Variants in TOX observed in about 807,000 individuals in gnomAD.
TOX encodes thymocyte selection associated high mobility group box.
In TOX, 11 loss-of-function variants were observed where a neutral mutation model predicts 53.7. The ratio of observed to expected loss-of-function variants is 0.20; its 90% CI spans 0.13 to 0.34. TOX has a LOEUF of 0.34. Ranked by LOEUF, TOX falls within the 10% of genes least tolerant of loss-of-function variation. TOX has a pLI of 1.00. For missense variants in TOX, 570 were observed against 664.6 expected (o/e 0.86, Z 1.56); for synonymous variants, 225 against 245.3 (o/e 0.92, Z 0.77).
At chr8:58,987,973 G>T (rs1813364866) in intron 1 of TOX, among the ~76,000 whole-genome samples, 1 of 152,214 alleles carries the variant, frequency 6.6e-6, no homozygotes. Flanking sequence ...CTAGTTGAAA[G>T]TAATACAGGA....
At chr8:59,055,727 T>A (rs1803878215) in intron 1 of TOX, among the ~76,000 whole-genome samples, 1 of 152,182 alleles carries the variant, frequency 6.6e-6, no homozygotes, top group African/African-American at 2.4e-5. Context: ...GAAAACACTT[T>A]AATTTTAAAG....
At chr8:58,893,897 T>A (rs1811599287) in intron 3 of TOX, among the ~76,000 whole-genome samples, 2 of 152,198 alleles carry the variant, frequency 1.3e-5, no homozygotes, top group African/African-American at 4.8e-5. Context: ...AGTGAGCAGG[T>A]GAAAATGAGA....
chr8:58,878,210 A>C (rs1811318825), intron 3 of TOX, among the ~76,000 whole-genome samples: 1 of 152,088 alleles, frequency 6.6e-6, no homozygotes, highest in African/African-American at 2.4e-5. Context: ...ATTTGGAAAA[A>C]AAAAAAAAGA....
chr8:58,826,714 G>T (rs1033710349), intron 6 of TOX, 108 bp downstream of exon 6: 26 of 921,434 alleles, frequency 2.8e-5, no homozygotes, highest in Non-Finnish European at 3.9e-5. Flanking sequence ...TTCCAACAAA[G>T]AAGATTGTGC....
chr8:59,087,932 A>G (rs1473151950), intron 1 of TOX, among the ~76,000 whole-genome samples: 1 of 152,196 alleles, frequency 6.6e-6, no homozygotes, highest in Non-Finnish European at 1.5e-5. Context: ...ACTTTTATTT[A>G]TGTCATGTGT....
intron 1 of TOX, among the ~76,000 whole-genome samples, chr8:59,116,235 T>G (rs577745275): frequency 2.6e-5 from 4 of 152,330 alleles, no homozygotes; most frequent in African/African-American, 9.6e-5. Flanking sequence ...TATCACCCTA[T>G]TAAAAACAAA....
At chr8:59,034,830 C>A (rs1405671033) in intron 1 of TOX, among the ~76,000 whole-genome samples, 1 of 152,218 alleles carries the variant, frequency 6.6e-6, no homozygotes, top group African/African-American at 2.4e-5. Context: ...AAAGGCCTTG[C>A]AAAGAAGCTC....
At chr8:59,094,593 TAATA>T (rs1473997056) in intron 1 of TOX, among the ~76,000 whole-genome samples, 1 of 151,560 alleles carries the variant, frequency 6.6e-6, no homozygotes, top group Non-Finnish European at 1.5e-5. Flanking sequence ...AATTATTATA[TAATA>T]ATTATAAGTA....
At chr8:58,926,405 GCCACGTCAATTTAT>G (rs1367178894) in intron 3 of TOX, among the ~76,000 whole-genome samples, 1 of 152,178 alleles carries the variant, frequency 6.6e-6, no homozygotes, top group Admixed American at 6.5e-5. Context: ...TGTGATCCCA[GCCACGTCAATTTAT>G]CATTCTTGAA....
intron 1 of TOX, among the ~76,000 whole-genome samples, chr8:59,093,550 A>T (rs373276324): frequency 1.3e-5 from 2 of 152,230 alleles, no homozygotes; most frequent in African/African-American, 4.8e-5. Flanking sequence ...GCCTGGTAAA[A>T]TAATTAAATA....
At chr8:58,983,627 ATAAT>A (rs1813268917) in intron 1 of TOX, among the ~76,000 whole-genome samples, 1 of 152,264 alleles carries the variant, frequency 6.6e-6, no homozygotes, top group African/African-American at 2.4e-5. Flanking sequence ...ATGAATAAAA[ATAAT>A]TAAGCCATCC....
intron 4 of TOX, among the ~76,000 whole-genome samples, chr8:58,839,603 G>A (rs1049983760): frequency 6.6e-5 from 10 of 152,016 alleles, no homozygotes; most frequent in African/African-American, 2.4e-4. Context: ...ATTTCTTTCC[G>A]GCTCTAAAAT....
At chr8:59,101,475 T>A (rs1301094401) in intron 1 of TOX, among the ~76,000 whole-genome samples, 1 of 152,180 alleles carries the variant, frequency 6.6e-6, no homozygotes, top group Non-Finnish European at 1.5e-5. Context: ...CTCTTAGTCA[T>A]TAATTTTTCA....
At chr8:58,986,863 AAG>A (rs1384669590) in intron 1 of TOX, among the ~76,000 whole-genome samples, 2 of 152,072 alleles carry the variant, frequency 1.3e-5, no homozygotes, top group East Asian at 1.9e-4. Context: ...AGGGCTGAAT[AAG>A]AAAAAAGAGA....
At position 59,115,451 on chromosome 8, in the gene TOX, C is replaced by G. The variant is rs542141137; in HGVS notation, c.102+3435G>C. Among the ~76,000 whole-genome samples the G allele has an allele frequency of 2.0e-5, 3 of 152,304 alleles. No individual in the cohort carries two copies. In the East Asian group the frequency reaches 5.8e-4, roughly 29 times the overall value. ...GTATATATTTAAACTGATGATCTGACATCTTTAACTAGAATAGAAAACAAG... is the reference window on the plus strand; with the variant it reads ...GTATATATTTAAACTGATGATCTGAGATCTTTAACTAGAATAGAAAACAAG... On this transcript the variant is annotated intron_variant, in intron 1 of 8. Coordinates refer to ENST00000361421, the MANE Select transcript of TOX (RefSeq NM_014729.3).
At chr8:59,081,177 C>G (rs1270766632) in intron 1 of TOX, among the ~76,000 whole-genome samples, 2 of 152,058 alleles carry the variant, frequency 1.3e-5, no homozygotes. Context: ...CAAGTGAGTA[C>G]CACCACGCCC....
intron 3 of TOX, among the ~76,000 whole-genome samples, chr8:58,890,697 G>T (rs1004869574): frequency 6.6e-6 from 1 of 152,088 alleles, no homozygotes; most frequent in African/African-American, 2.4e-5. Context: ...GTGTAGTGAA[G>T]AAATTATTAA....
chr8:58,861,119 G>T (rs1811003145), intron 3 of TOX, among the ~76,000 whole-genome samples: 1 of 152,140 alleles, frequency 6.6e-6, no homozygotes, highest in Non-Finnish European at 1.5e-5. Flanking sequence ...CCTTGAAAGG[G>T]CTTTCCTGCC....
rs149588081 is a variant in TOX, at chr8:58,894,397, T to C, written c.412-42592A>G. ...CATCTATGGTTAGTAAGAAGTTGAG[T>C]TGAACTTTAAACATAGATGTTCTGG... On this transcript the variant is annotated intron_variant, in intron 3 of 8. Transcript: ENST00000361421. Among the ~76,000 whole-genome samples the C allele has an allele frequency of 2.5e-3, 387 of 152,338 alleles. 5 individuals are homozygous for C. Among genetic ancestry groups the C allele is most frequent in the African/African-American group, 8.9e-3 (368 of 41,572 alleles).
Sources: allele counts gnomAD v4.1 joint callset (sites outside exome capture counted in the v4.1 genomes callset), GRCh38; gene constraint gnomAD v4.1.1; transcripts MANE v1.5; gene names NCBI Gene and HGNC (gene_info 2026-07-23, HGNC 2026-07-21).